Variants in POPDC3 observed in about 807,000 individuals in gnomAD.
POPDC3 encodes the protein popeye domain-containing protein 3.
Under a neutral mutation model 28.2 loss-of-function variants are expected in POPDC3, and 20 were observed. That is an observed-to-expected ratio of 0.71 (90% CI 0.50 to 1.03). The LOEUF (loss-of-function observed/expected upper bound fraction) is 1.03, where lower values mean the gene tolerates loss of function less well. POPDC3 is among the 50% of genes least tolerant of loss of function. The pLI is 0.00. For synonymous variants in POPDC3, 118 were observed against 124.1 expected (o/e 0.95, Z 0.33); for missense variants, 316 against 345.9 (o/e 0.91, Z 0.69).
chr6:105,158,443 T>A lies in POPDC3; in HGVS notation c.*27A>T, dbSNP rs1653334295. 1.3e-6 allele frequency: 2 copies of A among 1,557,770 alleles called. No individual in the cohort carries two copies. The highest frequency in any genetic ancestry group is 1.7e-6 in the Non-Finnish European group (2 of 1,150,270). ...GAATGATGAAGAGAGAGTCTTTTTTTATACTTATAAATTTCAGACTTTGAT... is the reference window on the plus strand; with the variant it reads ...GAATGATGAAGAGAGAGTCTTTTTTAATACTTATAAATTTCAGACTTTGAT... On this transcript the variant is annotated 3_prime_UTR_variant, in exon 4 of 4. Coordinates refer to ENST00000254765, the MANE Select transcript of POPDC3 (RefSeq NM_022361.5).
chr6:105,158,444 A>T lies in POPDC3; in HGVS notation c.*26T>A, dbSNP rs1396568371. ...AATGATGAAGAGAGAGTCTTTTTTTATACTTATAAATTTCAGACTTTGATG... is the reference window on the plus strand; with the variant it reads ...AATGATGAAGAGAGAGTCTTTTTTTTTACTTATAAATTTCAGACTTTGATG... On this transcript the variant is annotated 3_prime_UTR_variant, in exon 4 of 4. Coordinates refer to ENST00000254765, the MANE Select transcript of POPDC3 (RefSeq NM_022361.5). The T allele has an allele frequency of 1.3e-6, 2 of 1,553,400 alleles. No homozygotes were observed. Among genetic ancestry groups the T allele is most frequent in the Admixed American group, 1.9e-5 (1 of 52,020 alleles).
intron 1 of POPDC3, among the ~76,000 whole-genome samples, chr6:105,164,735 G>A (rs1160541531): frequency 6.6e-6 from 1 of 152,190 alleles, no homozygotes; most frequent in Non-Finnish European, 1.5e-5. Context: ...GTGGCACAAT[G>A]GATTTCTTTC....
At chr6:105,166,639 G>A (rs1025951330) in intron 1 of POPDC3, 2 of 471,000 alleles carry the variant, frequency 4.2e-6, no homozygotes, top group Non-Finnish European at 4.4e-6. Context: ...CAGTCCAAGA[G>A]GGATGAAGCT....
At chr6:105,173,261 T>TC (rs1774615590) in intron 1 of POPDC3, among the ~76,000 whole-genome samples, 1 of 152,220 alleles carries the variant, frequency 6.6e-6, no homozygotes, top group Non-Finnish European at 1.5e-5. Context: ...TTCCACAAAA[T>TC]AAATTCCAAA....
Position 105,158,641 on chromosome 6 carries a change from A to T in POPDC3, c.705T>A (p.Ile235=). 3 of 1,614,184 alleles carry T rather than the reference A, an allele frequency of 1.9e-6. No individual in the cohort carries two copies. In the East Asian group the frequency reaches 6.7e-5, roughly 36 times the overall value. Residue 235 remains isoleucine (I), a synonymous_variant, in exon 4 of 4, where the codon ATT becomes ATA. Coordinates refer to ENST00000254765, the MANE Select transcript of POPDC3 (RefSeq NM_022361.5). Reference sequence around the variant, plus strand: ...AGAGTTTATCTGCAATGTCACTGCCAATTAGCACTGAAAAAAGGCGGGAGA... The same window carrying T: ...AGAGTTTATCTGCAATGTCACTGCCTATTAGCACTGAAAAAAGGCGGGAGA... ...RYISRLFSVL[I]GSDIADKLYA...
At chr6:105,171,174 T>C (rs2114542749) in intron 1 of POPDC3, among the ~76,000 whole-genome samples, 1 of 152,362 alleles carries the variant, frequency 6.6e-6, no homozygotes, top group Non-Finnish European at 1.5e-5. Context: ...TTAGGTCAGC[T>C]AGTTGCAATT....
chr6:105,168,171 C>T (rs960243360), intron 1 of POPDC3, among the ~76,000 whole-genome samples: 3 of 152,212 alleles, frequency 2.0e-5, no homozygotes, highest in Non-Finnish European at 2.9e-5. Context: ...TGGCCAACCC[C>T]ACTACAGCAC....
intron 1 of POPDC3, among the ~76,000 whole-genome samples, chr6:105,164,217 C>T (rs576699721): frequency 7.8e-4 from 119 of 152,258 alleles, no homozygotes; most frequent in Non-Finnish European, 1.4e-3. Context: ...TTATAATCCT[C>T]AGCGAAATGT....
In POPDC3 at chr6:105,161,816, G is replaced by A. The variant is rs767693714; in HGVS notation, c.94C>T (p.Leu32Phe). The A allele has an allele frequency of 2.5e-6, 4 of 1,614,122 alleles. No individual in the cohort carries two copies. The highest frequency in any genetic ancestry group is 3.4e-6 in the Non-Finnish European group (4 of 1,180,050). Residue 32 changes from leucine (L) to phenylalanine (F), a missense_variant, in exon 2 of 4, where the codon CTT (leucine) becomes TTT (phenylalanine). Leu to Phe is a conservative substitution (Grantham distance 22). Coordinates refer to ENST00000254765, the MANE Select transcript of POPDC3 (RefSeq NM_022361.5). ...CCTACTACAAATAAAATACTGGCAAGATGATAAATGGCTCCTTCGGCCTCT... is the reference window on the plus strand; with the variant it reads ...CCTACTACAAATAAAATACTGGCAAAATGATAAATGGCTCCTTCGGCCTCT... Reference protein sequence around the residue: ...KQEAEGAIYHLASILFVVGFM... With the variant: ...KQEAEGAIYHFASILFVVGFM...
chr6:105,172,653 G>T (rs528715987), intron 1 of POPDC3, among the ~76,000 whole-genome samples: 6 of 150,610 alleles, frequency 4.0e-5, no homozygotes, highest in South Asian at 2.1e-4. Context: ...CCAACAATGA[G>T]AGACTGGATT....
intron 1 of POPDC3, chr6:105,168,863 C>G (rs1386754212): frequency 1.3e-5 from 2 of 152,196 alleles, no homozygotes; most frequent in East Asian, 3.9e-4. Flanking sequence ...GGCAGGCAGC[C>G]TCTATGAGCT....
intron 1 of POPDC3, among the ~76,000 whole-genome samples, chr6:105,174,078 G>C (rs559353401): frequency 6.6e-6 from 1 of 152,198 alleles, no homozygotes; most frequent in African/African-American, 2.4e-5. Context: ...TTTTGCTCTT[G>C]TTGCCCAGGC....
intron 1 of POPDC3, among the ~76,000 whole-genome samples, chr6:105,166,217 G>C (rs1774452221): frequency 6.6e-6 from 1 of 152,160 alleles, no homozygotes; most frequent in African/African-American, 2.4e-5. Flanking sequence ...ACATGACTCT[G>C]TATGATGTGG....
Position 105,172,331 on chromosome 6 carries a change from G to T in POPDC3, c.-252+7502C>A, listed in dbSNP as rs1007624093. On this transcript the variant is annotated intron_variant, in intron 1 of 3. Transcript: ENST00000254765. ...CATAAATGCAAATCAAAACCACAAT[G>T]AGATACCATCTCACACCAGTTAGAA... Among the ~76,000 whole-genome samples the T allele has an allele frequency of 2.6e-5, 4 of 151,180 alleles. 1 individual carries two copies. The highest frequency in any genetic ancestry group is 5.9e-5 in the Non-Finnish European group (4 of 67,804).
chr6:105,175,969 A>T (rs1232651927), intron 1 of POPDC3, among the ~76,000 whole-genome samples: 1 of 152,174 alleles, frequency 6.6e-6, no homozygotes, highest in Non-Finnish European at 1.5e-5. Context: ...AAATTAATGT[A>T]TGTTTAAAAA....
At chr6:105,167,407 T>C (rs528127766) in intron 1 of POPDC3, among the ~76,000 whole-genome samples, 1 of 152,014 alleles carries the variant, frequency 6.6e-6, no homozygotes, top group Non-Finnish European at 1.5e-5. Flanking sequence ...AAAAAGAGCA[T>C]AGGGAGAAAT....
intron 1 of POPDC3, among the ~76,000 whole-genome samples, chr6:105,176,339 C>G (rs1338204246): frequency 2.0e-5 from 3 of 152,142 alleles, no homozygotes; most frequent in Non-Finnish European, 4.4e-5. Context: ...AGCTCTGCAT[C>G]TGCTTTATTT....
intron 1 of POPDC3, chr6:105,166,465 G>A (rs1489868689): frequency 2.4e-6 from 1 of 410,450 alleles, no homozygotes; most frequent in Non-Finnish European, 5.0e-6. Context: ...GAGGTGACAG[G>A]TGGGGGTGGG....
At chr6:105,171,259 G>A (rs1774571610) in intron 1 of POPDC3, among the ~76,000 whole-genome samples, 1 of 152,090 alleles carries the variant, frequency 6.6e-6, no homozygotes, top group African/African-American at 2.4e-5. Context: ...TGCCCAAATC[G>A]TTCCCTAATA....
Sources: gnomAD v4.1 joint callset for allele counts (sites outside exome capture counted in the v4.1 genomes callset) on GRCh38, gnomAD v4.1.1 for gene constraint, MANE v1.5 for transcripts, NCBI Gene and HGNC (gene_info 2026-07-23, HGNC 2026-07-21) for gene names.